Variants in PGAP1 observed in about 807,000 individuals in gnomAD.
PGAP1 encodes GPI inositol-deacylase.
A neutral mutation model predicts 127.0 loss-of-function variants in PGAP1; 76 were observed. That is an observed-to-expected ratio of 0.60 (90% CI 0.50 to 0.72). The LOEUF is 0.72. PGAP1 is among the 30% of genes least tolerant of loss of function. PGAP1 has a pLI of 0.00. For missense variants in PGAP1, 982 were observed against 1,071.3 expected, an observed-to-expected ratio of 0.92 and a Z score of 1.16; for synonymous variants, 362 against 366.5, an observed-to-expected ratio of 0.99 and a Z score of 0.14.
chr2:196,847,966 T>C lies in PGAP1; in HGVS notation c.1933A>G (p.Ile645Val). The change falls in exon 21 of 27, where the codon ATC (isoleucine) becomes GTC (valine). Residue 645 changes from isoleucine to valine, a missense_variant. Transcript: ENST00000354764. ...ACTTACCCCAACAGAAACTTAATGA[T>C]AATTACAAAAGGATCAACTTTGTAT... Reference protein sequence around the residue: ...KPYKVDPFVIIIKFLLGYKWF... With the variant: ...KPYKVDPFVIVIKFLLGYKWF... The C allele has an allele frequency of 1.3e-6, 2 of 1,591,998 alleles. No individual in the cohort carries two copies. The highest frequency in any genetic ancestry group is 1.2e-5 in the South Asian group (1 of 86,166).
chr2:196,872,184 G>T (rs1167959085), intron 18 of PGAP1, among the ~76,000 whole-genome samples: 1 of 152,132 alleles, frequency 6.6e-6, no homozygotes, highest in Non-Finnish European at 1.5e-5. Flanking sequence ...TCCAAATTTA[G>T]AAGGTTAATC....
chr2:196,885,376 C>G (rs762103937), intron 12 of PGAP1, 48 bp downstream of exon 12: 57 of 1,286,096 alleles, frequency 4.4e-5, no homozygotes, highest in Non-Finnish European at 5.9e-5. Context: ...TGTATAGACT[C>G]AAGTATTTTT....
chr2:196,863,887 T>G (rs900431845), intron 20 of PGAP1, among the ~76,000 whole-genome samples: 4 of 152,012 alleles, frequency 2.6e-5, no homozygotes, highest in African/African-American at 9.7e-5. Flanking sequence ...AGGATGACTA[T>G]AGTTAATAAT....
In PGAP1 at chr2:196,897,155, A is replaced by C; in HGVS notation, c.903T>G (p.Asp301Glu). The C allele has an allele frequency of 6.3e-7, 1 of 1,582,642 alleles. No homozygotes were observed. The highest frequency in any genetic ancestry group is 1.2e-5 in the South Asian group (1 of 86,050). Residue 301 changes from aspartate (D) to glutamate (E), a missense_variant, in exon 7 of 27, where the codon GAT becomes GAG. Physicochemically the swap from Asp to Glu is conservative, Grantham distance 45 (BLOSUM62 2). Transcript: ENST00000354764. ...CTTGTTTAGTATCAGCATCAATAAG[A>C]TCAAAGAATGCTCGAACTGTAGTCA... is the stretch of plus-strand genomic sequence containing the variant. ...LQLTTVRAFF[D>E]LIDADTKQIT...
intron 3 of PGAP1, among the ~76,000 whole-genome samples, 197 bp downstream of exon 3, chr2:196,916,221 A>G (rs1012699199): frequency 1.4e-4 from 22 of 152,210 alleles, no homozygotes; most frequent in African/African-American, 5.1e-4. Context: ...TGAATTCACC[A>G]TAAGAAATGT....
At chr2:196,883,690 A>T (rs1440764212) in intron 12 of PGAP1, among the ~76,000 whole-genome samples, 1 of 152,208 alleles carries the variant, frequency 6.6e-6, no homozygotes, top group Non-Finnish European at 1.5e-5. Flanking sequence ...CCTAACAATG[A>T]TATAATTCTC....
intron 5 of PGAP1, among the ~76,000 whole-genome samples, chr2:196,901,617 C>A (rs1438870270): frequency 6.6e-6 from 1 of 152,170 alleles, no homozygotes. Context: ...AGGTTAAATA[C>A]ACATGAAAGA....
chr2:196,847,733 T>C, intron 21 of PGAP1: 1 of 374,952 alleles, frequency 2.7e-6, no homozygotes, highest in Non-Finnish European at 4.8e-6. Context: ...TTTAGACTGA[T>C]ATACATAAAG....
rs201532112 is a variant in PGAP1, at chr2:196,926,461, G to A, written c.147+9C>T. 67 of 1,613,720 alleles carry A rather than the reference G, an allele frequency of 4.2e-5. No homozygotes were observed. Among genetic ancestry groups the A allele is most frequent in the Admixed American group, 1.7e-5 (1 of 59,970 alleles). On this transcript the variant is annotated intron_variant, in intron 1 of 26. Transcript: ENST00000354764. ...GGAGCGCCCGGCTGAGGAGAGGGCA[G>A]AACCTTACCTGATACTCCGGGTACT...
chr2:196,872,352 G>A, intron 18 of PGAP1, 89 bp downstream of exon 18: 1 of 842,826 alleles, frequency 1.2e-6, no homozygotes, highest in Non-Finnish European at 1.8e-6. Context: ...TGGCTTCCAT[G>A]CCACCATATA....
chr2:196,865,380 C>T lies in PGAP1; in HGVS notation c.1768-300G>A, dbSNP rs566883356. ...AATACGTTCCAGGCACAACAGTAAA[C>T]ACCTTATATGCATTATCTCATGTAC... On this transcript the variant is annotated intron_variant, in intron 19 of 26. Transcript: ENST00000354764. Among the ~76,000 whole-genome samples, 4 of 152,216 alleles carry T rather than the reference C, an allele frequency of 2.6e-5. No individual in the cohort carries two copies. The South Asian group carries it at 8.3e-4, about 32-fold the overall frequency.
chr2:196,895,305 C>G (rs910511508), intron 7 of PGAP1, among the ~76,000 whole-genome samples: 1 of 152,064 alleles, frequency 6.6e-6, no homozygotes, highest in Non-Finnish European at 1.5e-5. Flanking sequence ...AGTTTTATGT[C>G]CAATTTTTTT....
rs745651606 is a variant in PGAP1, at chr2:196,890,915, C to T, written c.1090-4G>A. ...TAAAATATATCTTCTCAGATTCCTA[C>T]AAAAAGAAGGAAAACACTCAATATA... On this transcript the variant is annotated splice_region_variant and splice_polypyrimidine_tract_variant and intron_variant, in intron 9 of 26. Coordinates refer to ENST00000354764, the MANE Select transcript of PGAP1 (RefSeq NM_024989.4). 2.1e-6 allele frequency: 3 copies of T among 1,449,096 alleles called. No individual in the cohort carries two copies. Among genetic ancestry groups the T allele is most frequent in the Non-Finnish European group, 2.9e-6 (3 of 1,032,012 alleles). 89.8% of individuals were successfully genotyped at this position (1,449,096 alleles called of 1,614,324 possible). A position where few individuals can be genotyped will look rare whatever the true frequency, so the allele number is the denominator to read the frequency against.
In PGAP1 at chr2:196,870,953, T is replaced by C. The variant is rs745506330; in HGVS notation, c.1755A>G (p.Gln585=). The C allele has an allele frequency of 3.7e-5, 59 of 1,608,018 alleles. No homozygotes were observed. Among genetic ancestry groups the C allele is most frequent in the Non-Finnish European group, 4.7e-5 (55 of 1,175,080 alleles). The change falls in exon 19 of 27, where the codon CAA becomes CAG. Residue 585 remains glutamine (Q), a synonymous_variant. Coordinates refer to ENST00000354764, the MANE Select transcript of PGAP1 (RefSeq NM_024989.4). ...YEVTVKTSFS[Q]ILGQVVRFHG... ...GAATCTCTCTTACCTGTCCAAGTAT[T>C]TGTGAAAAGGAAGTCTTAACTGTCA...
chr2:196,922,071 A>G, intron 1 of PGAP1: 1 of 1,045,018 alleles, frequency 9.6e-7, no homozygotes, highest in Non-Finnish European at 1.2e-6. Flanking sequence ...ATTTTAAATG[A>G]GCAACCCCTC....
intron 19 of PGAP1, among the ~76,000 whole-genome samples, chr2:196,865,376 TA>T (rs996388932): frequency 8.0e-4 from 122 of 152,272 alleles, no homozygotes; most frequent in African/African-American, 2.9e-3. Context: ...GGCACAACAG[TA>T]AACACCTTAT....
At chr2:196,885,736 A>T (rs1701879726) in intron 11 of PGAP1, 98 bp downstream of exon 11, 5 of 766,202 alleles carry the variant, frequency 6.5e-6, no homozygotes, top group Non-Finnish European at 9.5e-6. Context: ...TTCATATAGC[A>T]TCAAAATGAA....
Position 196,897,134 on chromosome 2 carries a change from T to C in PGAP1, c.924A>G (p.Lys308=). 1 of 1,538,960 alleles carries C rather than the reference T, an allele frequency of 6.5e-7. No individual in the cohort carries two copies. Among genetic ancestry groups the C allele is most frequent in the Non-Finnish European group, 8.9e-7 (1 of 1,125,252 alleles). ...TTTTTAGTTTAAAAATACATACTTG[T>C]TTAGTATCAGCATCAATAAGATCAA... The part of the protein sequence containing the change: ...AFFDLIDADT[K]QITQNSKKKL... Residue 308 remains lysine, a synonymous_variant, in exon 7 of 27, where the codon AAA becomes AAG. Coordinates refer to ENST00000354764, the MANE Select transcript of PGAP1 (RefSeq NM_024989.4).
chr2:196,889,072 TTA>T (rs1702014438), intron 10 of PGAP1, among the ~76,000 whole-genome samples: 1 of 152,204 alleles, frequency 6.6e-6, no homozygotes, highest in Admixed American at 6.5e-5. Flanking sequence ...TCACATGAGT[TTA>T]TGTTAATTAA....
Sources: allele counts gnomAD v4.1 joint callset (sites outside exome capture counted in the v4.1 genomes callset), GRCh38; gene constraint gnomAD v4.1.1; transcripts MANE v1.5; gene names NCBI Gene and HGNC (gene_info 2026-07-23, HGNC 2026-07-21).